The following GRID1 variants were observed in gnomAD, a reference collection of about 807,000 sequenced individuals.
The protein encoded by GRID1 is glutamate receptor ionotropic, delta-1.
A neutral mutation model predicts 98.0 loss-of-function variants in GRID1; 28 were observed. That is an observed-to-expected ratio of 0.29 (90% CI 0.21 to 0.39). GRID1 has a LOEUF of 0.39. GRID1 is among the 10% of genes least tolerant of loss of function. The pLI is 1.00. For synonymous variants in GRID1, 553 were observed against 538.5 expected, an observed-to-expected ratio of 1.03 and a Z score of -0.37; for missense variants, 1,111 against 1,340.5, an observed-to-expected ratio of 0.83 and a Z score of 2.67.
intron 4 of GRID1, among the ~76,000 whole-genome samples, chr10:86,071,814 G>A (rs1280374605): frequency 1.3e-5 from 2 of 152,142 alleles, no homozygotes; most frequent in Non-Finnish European, 1.5e-5. Flanking sequence ...AAAGGAGAGG[G>A]AAACCCAGAC....
At chr10:86,081,928 C>T (rs1413289422) in intron 4 of GRID1, among the ~76,000 whole-genome samples, 2 of 152,160 alleles carry the variant, frequency 1.3e-5, no homozygotes, top group East Asian at 3.8e-4. Context: ...GAACTTATGT[C>T]ATTACACATT....
intron 8 of GRID1, among the ~76,000 whole-genome samples, chr10:85,768,492 C>T (rs1842219640): frequency 6.6e-6 from 1 of 151,878 alleles, no homozygotes; most frequent in African/African-American, 2.4e-5. Context: ...ATGTCCAATG[C>T]AAAGGGTAAT....
At chr10:85,738,569 T>C (rs1841909720) in intron 8 of GRID1, among the ~76,000 whole-genome samples, 1 of 152,196 alleles carries the variant, frequency 6.6e-6, no homozygotes, top group South Asian at 2.1e-4. Flanking sequence ...GCTTTATTCA[T>C]AATAGCCAAA....
chr10:85,953,778 A>G (rs1349842842), intron 4 of GRID1, among the ~76,000 whole-genome samples: 1 of 152,226 alleles, frequency 6.6e-6, no homozygotes, highest in Non-Finnish European at 1.5e-5. Context: ...CAATTCATGC[A>G]CACTTTCACA....
intron 8 of GRID1, among the ~76,000 whole-genome samples, chr10:85,775,346 G>T (rs377649120): frequency 1.3e-5 from 2 of 151,024 alleles, no homozygotes; most frequent in East Asian, 2.0e-4. Context: ...GGAGGGAGGA[G>T]GGATAGCTTT....
chr10:86,062,843 C>A (rs1216094972), intron 4 of GRID1, among the ~76,000 whole-genome samples: 3 of 152,256 alleles, frequency 2.0e-5, no homozygotes, highest in African/African-American at 7.2e-5. Context: ...CGTGGCTGAC[C>A]ACATGCCCAG....
rs1273042022 is a variant in GRID1, at chr10:86,206,177, C to G, written c.520+187G>C. Among the ~76,000 whole-genome samples, 2 of 152,148 alleles carry G rather than the reference C, an allele frequency of 1.3e-5. No homozygotes were observed. The highest frequency in any genetic ancestry group is 1.3e-4 in the Admixed American group (2 of 15,274). ...GGTGTTGTTGCTAGGCAACTTTATA[C>G]CTATCTATGGAGCTGTTGTTGCAGC... On this transcript the variant is annotated intron_variant, in intron 3 of 15. Transcript: ENST00000327946. The surrounding 1 kb of genome is among the most constrained non-coding windows in gnomAD (Gnocchi z 4.1).
intron 4 of GRID1, among the ~76,000 whole-genome samples, chr10:86,032,055 T>G (rs559049261): frequency 1.3e-3 from 199 of 152,302 alleles, no homozygotes; most frequent in African/African-American, 4.5e-3. Flanking sequence ...CTTCACCATA[T>G]TTATATCTAT....
intron 8 of GRID1, among the ~76,000 whole-genome samples, chr10:85,732,908 G>A (rs1272826075): frequency 1.3e-5 from 2 of 151,964 alleles, no homozygotes; most frequent in African/African-American, 2.4e-5. Flanking sequence ...TCTTTCTCAG[G>A]CACACCACAT....
intron 9 of GRID1, among the ~76,000 whole-genome samples, 175 bp downstream of exon 9, chr10:85,729,338 C>G (rs929724250): frequency 6.6e-6 from 1 of 152,168 alleles, no homozygotes; most frequent in African/African-American, 2.4e-5. Context: ...GCAGAAACTT[C>G]AATCTCACTC....
In GRID1 at chr10:86,040,003, GTCTTT is replaced by G. The variant is rs138394185; in HGVS notation, c.726+98811_726+98815del. On this transcript the variant is annotated intron_variant, in intron 4 of 15. Transcript: ENST00000327946. ...AGAAGCCCCTGGAGGAGAGGTCTGA[GTCTTT>G]TCTCCACAGAACGGGATGCAATCTG... Among the ~76,000 whole-genome samples the G allele has an allele frequency of 6.7e-3, 1,018 of 152,276 alleles. 13 individuals carry two copies. The highest frequency in any genetic ancestry group is 0.021 in the African/African-American group (889 of 41,556).
chr10:86,141,366 A>T (rs1275119604), intron 3 of GRID1, among the ~76,000 whole-genome samples: 1 of 152,220 alleles, frequency 6.6e-6, no homozygotes, highest in South Asian at 2.1e-4. Flanking sequence ...TTCTTAACCA[A>T]TCAGAGGGAG....
intron 8 of GRID1, among the ~76,000 whole-genome samples, chr10:85,848,573 A>T (rs1203098152): frequency 6.6e-6 from 1 of 152,200 alleles, no homozygotes; most frequent in Non-Finnish European, 1.5e-5. Context: ...ATAAATATAC[A>T]TATCATGATC....
intron 2 of GRID1, among the ~76,000 whole-genome samples, chr10:86,242,254 T>TA (rs937443123): frequency 1.3e-5 from 2 of 152,162 alleles, no homozygotes; most frequent in African/African-American, 4.8e-5. Flanking sequence ...GAACAACACA[T>TA]ACGAAGATCG....
At chr10:86,311,916 A>G (rs987288906) in intron 2 of GRID1, among the ~76,000 whole-genome samples, 1 of 152,240 alleles carries the variant, frequency 6.6e-6, no homozygotes, top group African/African-American at 2.4e-5. Flanking sequence ...GCTGATTTTG[A>G]AACCCTTGAT....
rs35058405 is a variant in GRID1 at position 86,006,803 on chromosome 10, TA to T, written c.727-90565del. On this transcript the variant is annotated intron_variant, in intron 4 of 15. Coordinates refer to ENST00000327946, the MANE Select transcript of GRID1 (RefSeq NM_017551.3). ...GGGGCCCTTCCTCCTTGAAGACAATTAAAAAAAAAAAAACAATTCGGGTGTC... is the reference window on the plus strand; with the variant it reads ...GGGGCCCTTCCTCCTTGAAGACAATTAAAAAAAAAAAACAATTCGGGTGTC... Among the ~76,000 whole-genome samples, 277 of 141,074 alleles carry T rather than the reference TA, an allele frequency of 2.0e-3. No homozygotes were observed. The East Asian group carries it at 0.02, about 10-fold the overall frequency. 92.6% of individuals were successfully genotyped at this position (141,074 alleles called of 152,430 possible). A position where few individuals can be genotyped will look rare whatever the true frequency, so the allele number is the denominator to read the frequency against.
chr10:85,679,233 C>T (rs1841179748), intron 12 of GRID1, among the ~76,000 whole-genome samples: 1 of 152,192 alleles, frequency 6.6e-6, no homozygotes, highest in Non-Finnish European at 1.5e-5. Context: ...CATCTCAGCT[C>T]CCAGGCTTCT....
intron 12 of GRID1, among the ~76,000 whole-genome samples, chr10:85,672,876 T>A (rs886784265): frequency 5.3e-5 from 8 of 152,240 alleles, no homozygotes; most frequent in Non-Finnish European, 1.2e-4. Context: ...CTTTCAAGTT[T>A]TATCATTTAA....
intron 2 of GRID1, among the ~76,000 whole-genome samples, chr10:86,336,626 T>G (rs532891517): frequency 6.6e-5 from 10 of 152,212 alleles, no homozygotes; most frequent in Non-Finnish European, 1.3e-4. Flanking sequence ...CCCCACCCAG[T>G]AGGCTCCAGG....
Sources: gnomAD v4.1 joint callset for allele counts (sites outside exome capture counted in the v4.1 genomes callset) on GRCh38, gnomAD v4.1.1 for gene constraint, Gnocchi (gnomAD v3.1) non-coding constraint, MANE v1.5 for transcripts, NCBI Gene and HGNC (gene_info 2026-07-23, HGNC 2026-07-21) for gene names.